Variants in MACROD2 observed in about 807,000 individuals in gnomAD.
The protein encoded by MACROD2 is ADP-ribose glycohydrolase MACROD2.
A neutral mutation model predicts 70.4 loss-of-function variants in MACROD2; 36 were observed. The observed-to-expected ratio is 0.51, with a 90% confidence interval of 0.39 to 0.68. MACROD2 has a LOEUF of 0.68. Ranked by LOEUF, MACROD2 falls within the 30% of genes least tolerant of loss-of-function variation. The pLI, the probability that MACROD2 is intolerant of heterozygous loss-of-function variation, is 0.00. For synonymous variants in MACROD2, 172 were observed against 178.8 expected (o/e 0.96, Z 0.30); for missense variants, 496 against 538.4 (o/e 0.92, Z 0.78).
intron 6 of MACROD2, among the ~76,000 whole-genome samples, chr20:15,300,101 A>G (rs2077627758): frequency 6.6e-6 from 1 of 152,164 alleles, no homozygotes; most frequent in Non-Finnish European, 1.5e-5. Flanking sequence ...CTTGATACGT[A>G]GGTACAGCCA....
chr20:14,678,323 TG>T (rs2123578607), intron 4 of MACROD2, among the ~76,000 whole-genome samples: 1 of 152,298 alleles, frequency 6.6e-6, no homozygotes, highest in East Asian at 1.9e-4. Flanking sequence ...CAAGAGTGTT[TG>T]GGAAGTACTG....
At chr20:15,662,123 A>C (rs757210921) in intron 8 of MACROD2, among the ~76,000 whole-genome samples, 1 of 152,046 alleles carries the variant, frequency 6.6e-6, no homozygotes, top group Non-Finnish European at 1.5e-5. Context: ...GACTCATCTA[A>C]TTTTCTGGTT....
chr20:14,182,332 CT>C (rs1426659188), intron 3 of MACROD2, among the ~76,000 whole-genome samples: 1 of 151,906 alleles, frequency 6.6e-6, no homozygotes, highest in African/African-American at 2.4e-5. Context: ...TTTATTTAGT[CT>C]TTTTTATTAT....
intron 15 of MACROD2, among the ~76,000 whole-genome samples, chr20:15,993,624 T>C (rs573879752): frequency 4.6e-5 from 7 of 152,314 alleles, no homozygotes; most frequent in Admixed American, 4.6e-4. Context: ...CATCACTGTA[T>C]ATTGATTAGG....
rs143684900 is a variant in MACROD2, at chr20:15,423,879, G to A, written c.541-7526G>A. On this transcript the variant is annotated intron_variant, in intron 6 of 17. Coordinates refer to ENST00000684519, the MANE Select transcript of MACROD2 (RefSeq NM_001351661.2). ...CTATAGACTGTGATTTAAACAACAA[G>A]CATTTATTTCTTACAGTTCTGGAGG... 4.5e-3 allele frequency among the ~76,000 whole-genome samples: 688 copies of A among 151,394 alleles called. 9 individuals are homozygous for A. The highest frequency in any genetic ancestry group is 0.016 in the African/African-American group (654 of 41,272).
intron 5 of MACROD2, among the ~76,000 whole-genome samples, chr20:15,043,981 C>T (rs2075374176): frequency 6.6e-6 from 1 of 152,180 alleles, no homozygotes; most frequent in Non-Finnish European, 1.5e-5. Context: ...TGCATGTGCT[C>T]AGCACCCCTG....
chr20:15,419,983 C>G (rs958852946), intron 6 of MACROD2, among the ~76,000 whole-genome samples: 2 of 152,176 alleles, frequency 1.3e-5, no homozygotes, highest in African/African-American at 2.4e-5. Context: ...CCCTTTGCTT[C>G]TATATAAAGG....
At chr20:15,930,657 A>G (rs2147312677) in intron 10 of MACROD2, among the ~76,000 whole-genome samples, 1 of 152,340 alleles carries the variant, frequency 6.6e-6, no homozygotes, top group East Asian at 1.9e-4. Flanking sequence ...GGGCAGAAAT[A>G]CTGCAAATAG....
At chr20:14,314,464 A>G (rs936811618) in intron 3 of MACROD2, among the ~76,000 whole-genome samples, 1 of 152,230 alleles carries the variant, frequency 6.6e-6, no homozygotes, top group African/African-American at 2.4e-5. Flanking sequence ...ATCAAAGACA[A>G]AAACAAAATT....
chr20:16,012,747 A>G (rs919151592), intron 15 of MACROD2, among the ~76,000 whole-genome samples: 16 of 152,250 alleles, frequency 1.1e-4, no homozygotes, highest in Admixed American at 1.0e-3. Context: ...CAGAATGTCA[A>G]TGTTACCATT....
At chr20:14,066,400 C>G (rs1413312209) in intron 2 of MACROD2, among the ~76,000 whole-genome samples, 1 of 152,168 alleles carries the variant, frequency 6.6e-6, no homozygotes, top group Non-Finnish European at 1.5e-5. Context: ...AGAATTCTTA[C>G]AGAAATGTTC....
chr20:15,051,968 G>C (rs768781295), intron 5 of MACROD2, among the ~76,000 whole-genome samples: 7 of 152,050 alleles, frequency 4.6e-5, no homozygotes, highest in Non-Finnish European at 8.8e-5. Context: ...GGCCAGGATG[G>C]TCTCGACCTT....
At chr20:16,003,039 C>T (rs902325782) in intron 15 of MACROD2, among the ~76,000 whole-genome samples, 2 of 151,018 alleles carry the variant, frequency 1.3e-5, no homozygotes, top group Non-Finnish European at 2.9e-5. Context: ...GGGCTCGGGG[C>T]TGGGGCACAA....
At chr20:15,590,598 C>T (rs147436775) in intron 8 of MACROD2, among the ~76,000 whole-genome samples, 1,548 of 152,150 alleles carry the variant, frequency 0.01, 17 homozygotes, top group Non-Finnish European at 0.015. Flanking sequence ...AGAAAAGATT[C>T]GTGGCCAGGC....
In MACROD2 at chr20:14,480,219, C is replaced by T. The variant is rs543503475; in HGVS notation, c.272-13260C>T. Among the ~76,000 whole-genome samples the T allele has an allele frequency of 2.0e-5, 3 of 152,198 alleles. No individual in the cohort carries two copies. In the East Asian group the frequency reaches 5.8e-4, roughly 29 times the overall value. On this transcript the variant is annotated intron_variant, in intron 3 of 17. Coordinates refer to ENST00000684519, the MANE Select transcript of MACROD2 (RefSeq NM_001351661.2). ...ACTATTTTACTTACCTGTTTATTTC[C>T]AGCAATCGTTCCAGAACAGCCACAA... is the stretch of plus-strand genomic sequence containing the variant.
chr20:14,166,656 C>T (rs1312546151), intron 3 of MACROD2, among the ~76,000 whole-genome samples: 1 of 152,130 alleles, frequency 6.6e-6, no homozygotes, highest in Non-Finnish European at 1.5e-5. Flanking sequence ...TTATCATTCT[C>T]CCTAGCTTCA....
intron 8 of MACROD2, among the ~76,000 whole-genome samples, chr20:15,851,289 G>A (rs1178367799): frequency 1.3e-5 from 2 of 151,744 alleles, no homozygotes; most frequent in Non-Finnish European, 2.9e-5. Flanking sequence ...CAGGAGTGGG[G>A]AAAGTGTCTT....
chr20:14,588,074 A>T (rs1231217336), intron 4 of MACROD2, among the ~76,000 whole-genome samples: 1 of 152,074 alleles, frequency 6.6e-6, no homozygotes, highest in Non-Finnish European at 1.5e-5. Flanking sequence ...AATTAAGAAG[A>T]TTTTTATCTA....
At position 15,646,072 on chromosome 20, in the gene MACROD2, C is replaced by T. The variant is rs147466046; in HGVS notation, c.645+146225C>T. On this transcript the variant is annotated intron_variant, in intron 8 of 17. Coordinates refer to ENST00000684519, the MANE Select transcript of MACROD2 (RefSeq NM_001351661.2). ...CTCAACAGCTCCTGCTTCTTTTTCT[C>T]GGGGTTTCTTTTGTGATTCACAGTG... Among the ~76,000 whole-genome samples the T allele has an allele frequency of 3.4e-3, 523 of 152,172 alleles. 8 individuals carry two copies. Among genetic ancestry groups the T allele is most frequent in the African/African-American group, 0.011 (477 of 41,510 alleles).
Sources: gnomAD v4.1 joint callset for allele counts (sites outside exome capture counted in the v4.1 genomes callset) on GRCh38, gnomAD v4.1.1 for gene constraint, MANE v1.5 for transcripts, NCBI Gene and HGNC (gene_info 2026-07-23, HGNC 2026-07-21) for gene names.